NCOA2: variants seen among roughly 807,000 people sequenced by gnomAD.
The protein encoded by NCOA2 is class E basic helix-loop-helix protein 75.
A neutral mutation model predicts 145.1 loss-of-function variants in NCOA2; 21 were observed. The observed-to-expected ratio is 0.14, with a 90% CI of 0.10 to 0.21. The LOEUF is 0.21. NCOA2 is among the 10% of genes least tolerant of loss of function. The probability of loss-of-function intolerance (pLI) is 1.00; values close to 1 mark genes in which losing one functional copy is unlikely to be tolerated. For synonymous variants in NCOA2, 619 were observed against 637.5 expected (o/e 0.97, Z 0.44); for missense variants, 1,472 against 1,837.6 (o/e 0.80, Z 3.64).
At chr8:70,208,366 C>T (rs1425899047) in intron 4 of NCOA2, among the ~76,000 whole-genome samples, 3 of 152,152 alleles carry the variant, frequency 2.0e-5, no homozygotes, top group African/African-American at 7.2e-5. Context: ...AAAAATCCTC[C>T]ATAATATAAA....
intron 2 of NCOA2, among the ~76,000 whole-genome samples, chr8:70,249,963 C>CAAAAA (rs747018939): frequency 0.46 from 34,428 of 74,274 alleles, 9,044 homozygotes; most frequent in Non-Finnish European, 0.54. Flanking sequence ...AATCTGCCTC[C>CAAAAA]AAAAAAAAAA....
At chr8:70,270,028 T>C (rs1360709304) in intron 2 of NCOA2, among the ~76,000 whole-genome samples, 3 of 152,076 alleles carry the variant, frequency 2.0e-5, no homozygotes, top group African/African-American at 7.2e-5. Flanking sequence ...TTAGCCAGGC[T>C]CATTTTTAAA....
chr8:70,376,875 G>C (rs1029682168), intron 1 of NCOA2, among the ~76,000 whole-genome samples: 33 of 152,178 alleles, frequency 2.2e-4, no homozygotes, highest in African/African-American at 8.0e-4. Flanking sequence ...AGCTGCCTGA[G>C]AAAGTCAATC....
rs1811340179 is a variant in NCOA2 at position 70,148,352 on chromosome 8, G to A, written c.2526C>T (p.Asp842=). ...TGTTTTCAGCTGTGAGTTGCATGAG[G>A]TCATTGATGATGGCTTGCTTGTCAA... ...GSVDKQAIIN[D]LMQLTAENSP... Residue 842 remains aspartate (D), a synonymous_variant, in exon 12 of 23, where the codon GAC becomes GAT. Transcript: ENST00000452400. 6.2e-7 allele frequency: 1 copy of A among 1,613,888 alleles called. No homozygotes were observed. Among genetic ancestry groups the A allele is most frequent in the South Asian group, 1.1e-5 (1 of 91,092 alleles).
rs1263584894 is a variant in NCOA2, at chr8:70,157,234, C to T, written c.1131G>A (p.Gln377=). The change falls in exon 11 of 23, where the codon CAG becomes CAA. Residue 377 remains glutamine, a synonymous_variant. Transcript: ENST00000452400. ...GATCCGGATTCATCACACACACATT[C>T]TGCTCTCTGTATAACGAGAAAAGAA... is the stretch of plus-strand genomic sequence containing the variant. ...VISLHMLHRE[Q]NVCVMNPDLT... 6.5e-7 allele frequency: 1 copy of T among 1,537,892 alleles called. No individual in the cohort carries two copies. The highest frequency in any genetic ancestry group is 8.8e-7 in the Non-Finnish European group (1 of 1,142,028).
At position 70,162,695 on chromosome 8, in the gene NCOA2, A is replaced by G; in HGVS notation, c.976+16T>C. 6.3e-7 allele frequency: 1 copy of G among 1,596,656 alleles called. No individual in the cohort carries two copies. The highest frequency in any genetic ancestry group is 8.5e-7 in the Non-Finnish European group (1 of 1,171,160). ...AGGAAGCAATAATTTAAGAAAAATC[A>G]TTTAGAGATGCTTACCTTCATGATG... On this transcript the variant is annotated intron_variant, in intron 9 of 22. Coordinates refer to ENST00000452400, the MANE Select transcript of NCOA2 (RefSeq NM_006540.4).
At chr8:70,443,144 C>T in the NCOA2 span, among the ~76,000 whole-genome samples, 1 of 152,064 alleles carries the variant, frequency 6.6e-6, no homozygotes, top group Non-Finnish European at 1.5e-5. Flanking sequence ...GTGATAGGCT[C>T]GCTTGAGGCC....
chr8:70,228,641 G>A (rs1038386035), intron 2 of NCOA2, among the ~76,000 whole-genome samples: 10 of 152,048 alleles, frequency 6.6e-5, no homozygotes, highest in South Asian at 4.1e-4. Context: ...GTCCTAAGAC[G>A]TTTTTCCACT....
the NCOA2 span, among the ~76,000 whole-genome samples, chr8:70,449,055 C>G: frequency 6.6e-6 from 1 of 152,178 alleles, no homozygotes; most frequent in Non-Finnish European, 1.5e-5. Flanking sequence ...ATCCTCCCAC[C>G]TCAGTCTCCC....
chr8:70,358,597 T>TA (rs1460907195), intron 1 of NCOA2, among the ~76,000 whole-genome samples: 1 of 152,056 alleles, frequency 6.6e-6, no homozygotes, highest in East Asian at 1.9e-4. Context: ...ATTCTATATA[T>TA]AAAAAATTAA....
chr8:70,121,168 C>T, intron 22 of NCOA2, 134 bp downstream of exon 22: 1 of 695,366 alleles, frequency 1.4e-6, no homozygotes, highest in Non-Finnish European at 2.5e-6. Flanking sequence ...GCACTGTATG[C>T]CAGATGAAAC....
chr8:70,350,795 C>T (rs937498502), intron 1 of NCOA2, among the ~76,000 whole-genome samples: 2 of 152,146 alleles, frequency 1.3e-5, no homozygotes, highest in African/African-American at 4.8e-5. Context: ...AAAAATATAG[C>T]AAGACAAGCT....
chr8:70,299,872 T>C (rs1169681117), intron 1 of NCOA2, among the ~76,000 whole-genome samples: 5 of 152,282 alleles, frequency 3.3e-5, no homozygotes, highest in East Asian at 1.9e-4. Flanking sequence ...TAGCCAAAAA[T>C]TGTAAACAAT....
At chr8:70,440,712 G>A in the NCOA2 span, among the ~76,000 whole-genome samples, 1 of 140,596 alleles carries the variant, frequency 7.1e-6, no homozygotes, top group Non-Finnish European at 1.5e-5. Context: ...AAGAAAAGAA[G>A]AAAGAAAAAG....
intron 1 of NCOA2, among the ~76,000 whole-genome samples, chr8:70,321,383 C>T (rs1806044476): frequency 6.6e-6 from 1 of 151,004 alleles, no homozygotes; most frequent in African/African-American, 2.4e-5. Context: ...TAATCTTGAA[C>T]CCCTGAGCTC....
chr8:70,308,150 A>G (rs993298931), intron 1 of NCOA2, among the ~76,000 whole-genome samples: 5 of 152,224 alleles, frequency 3.3e-5, no homozygotes, highest in African/African-American at 1.2e-4. Flanking sequence ...TAAAACTAAA[A>G]GAAAAAATGT....
chr8:70,425,463 C>A, the NCOA2 span, among the ~76,000 whole-genome samples: 3 of 152,062 alleles, frequency 2.0e-5, no homozygotes, highest in Admixed American at 6.6e-5. Context: ...AAACTAACTC[C>A]CCTCCCTGAA....
At chr8:70,400,490 G>A (rs1586690716) in intron 1 of NCOA2, among the ~76,000 whole-genome samples, 2 of 152,078 alleles carry the variant, frequency 1.3e-5, no homozygotes, top group Non-Finnish European at 2.9e-5. Flanking sequence ...GTAAAATAAT[G>A]TGTTGCTCTT....
intron 2 of NCOA2, among the ~76,000 whole-genome samples, chr8:70,242,207 C>G (rs1822198249): frequency 6.6e-6 from 1 of 152,078 alleles, no homozygotes; most frequent in Non-Finnish European, 1.5e-5. Flanking sequence ...ATGATGAAAC[C>G]AAACATCTAG....
Sources: gnomAD v4.1 joint callset for allele counts (sites outside exome capture counted in the v4.1 genomes callset) on GRCh38, gnomAD v4.1.1 for gene constraint, MANE v1.5 for transcripts, NCBI Gene and HGNC (gene_info 2026-07-23, HGNC 2026-07-21) for gene names.